The following NRAP variants were observed in gnomAD, a reference collection of about 807,000 sequenced individuals.
NRAP encodes nebulin-related-anchoring protein.
A neutral mutation model predicts 225.9 loss-of-function variants in NRAP; 189 were observed. The ratio of observed to expected loss-of-function variants is 0.84; its 90% CI spans 0.74 to 0.94. The LOEUF is 0.94. Ranked by LOEUF, NRAP falls within the 40% of genes least tolerant of loss-of-function variation. The pLI is 0.00. For missense variants in NRAP, 2,176 were observed against 2,168.7 expected (o/e 1.00, Z -0.07); for synonymous variants, 769 against 790.7 (o/e 0.97, Z 0.46).
chr10:113,650,534 T>C lies in NRAP; in HGVS notation c.687A>G (p.Thr229=). 6.2e-7 allele frequency: 1 copy of C among 1,610,050 alleles called. No individual in the cohort carries two copies. The highest frequency in any genetic ancestry group is 1.1e-5 in the South Asian group (1 of 91,014). The part of the protein sequence containing the change: ...GAQLQSDVRY[T]EDYEQQRGKG... ...TCCCTCTTTGTTGTTCATAGTCCTC[T>C]GTGTATCTCACCTGAAATGAAAAAA... Residue 229 remains threonine, a synonymous_variant, in exon 8 of 42, where the codon ACA becomes ACG. Coordinates refer to ENST00000359988, the MANE Select transcript of NRAP (RefSeq NM_198060.4).
Position 113,614,142 on chromosome 10 carries a change from G to A in NRAP, c.3300+41C>T, listed in dbSNP as rs773892559. On this transcript the variant is annotated intron_variant, in intron 29 of 41. Coordinates refer to ENST00000359988, the MANE Select transcript of NRAP (RefSeq NM_198060.4). ...GTTGCCATGCAGTGAGCGTTGTCAGGTGGGGGCCCTGCAGCCGCTGATGCC... is the reference window on the plus strand; with the variant it reads ...GTTGCCATGCAGTGAGCGTTGTCAGATGGGGGCCCTGCAGCCGCTGATGCC... 23 of 1,334,960 alleles carry A rather than the reference G, an allele frequency of 1.7e-5. No homozygotes were observed. In the South Asian group the frequency reaches 2.5e-4, roughly 14 times the overall value. The allele number at this position is 1,334,960 out of a possible 1,614,324, so 82.7% of individuals were successfully genotyped here.
intron 16 of NRAP, among the ~76,000 whole-genome samples, chr10:113,632,838 T>C (rs1215019814): frequency 6.6e-6 from 1 of 152,232 alleles, no homozygotes; most frequent in Non-Finnish European, 1.5e-5. Flanking sequence ...TAGGGGGGTG[T>C]GTGTGTGTGT....
At chr10:113,598,147 A>T in intron 35 of NRAP, 74 bp from the exon 36 acceptor site, 1 of 883,026 alleles carries the variant, frequency 1.1e-6, no homozygotes, top group Middle Eastern at 2.2e-4. Context: ...AAGATCCTTG[A>T]TTTGTAATAG....
chr10:113,633,822 A>C (rs1416841981), intron 15 of NRAP, among the ~76,000 whole-genome samples: 1 of 152,208 alleles, frequency 6.6e-6, no homozygotes, highest in Non-Finnish European at 1.5e-5. Flanking sequence ...AATAATATGG[A>C]AGAGGAGAAT....
chr10:113,629,885 G>A (rs1848488678), intron 18 of NRAP, 100 bp from the exon 19 acceptor site: 1 of 788,590 alleles, frequency 1.3e-6, no homozygotes, highest in South Asian at 1.6e-5. Context: ...TTCGGGAGCA[G>A]GAGAATCGGC....
chr10:113,637,856 A>C (rs1254318403), intron 14 of NRAP, among the ~76,000 whole-genome samples: 1 of 151,700 alleles, frequency 6.6e-6, no homozygotes, highest in Non-Finnish European at 1.5e-5. Flanking sequence ...CGGGAGGCAG[A>C]GGTTGCTATG....
In NRAP at chr10:113,598,133, CAAG is replaced by C. The variant is rs1243736070; in HGVS notation, c.4228-63_4228-61del. 8.2e-6 allele frequency: 8 copies of C among 974,388 alleles called. No individual in the cohort carries two copies. The Admixed American group carries it at 1.4e-4, about 16-fold the overall frequency. The allele number at this position is 974,388 out of a possible 1,614,324, so 60.4% of individuals were successfully genotyped here. ...AGTGCTTAAGACTAGTACAGCATTT[CAAG>C]AAGATCCTTGATTTGTAATAGCATT... On this transcript the variant is annotated intron_variant, in intron 35 of 41. Coordinates refer to ENST00000359988, the MANE Select transcript of NRAP (RefSeq NM_198060.4).
intron 38 of NRAP, among the ~76,000 whole-genome samples, chr10:113,594,468 T>C (rs1238137353): frequency 6.6e-6 from 1 of 152,188 alleles, no homozygotes; most frequent in Non-Finnish European, 1.5e-5. Context: ...CTGGCAGCTT[T>C]ATCCCACTTT....
At chr10:113,591,853 C>T (rs907801975) in intron 39 of NRAP, among the ~76,000 whole-genome samples, 3 of 152,234 alleles carry the variant, frequency 2.0e-5, no homozygotes, top group Non-Finnish European at 4.4e-5. Context: ...CTATCTCTTT[C>T]TACTCTACCA....
At chr10:113,597,498 C>T (rs1195628828) in intron 36 of NRAP, among the ~76,000 whole-genome samples, 6 of 152,188 alleles carry the variant, frequency 3.9e-5, no homozygotes, top group Non-Finnish European at 7.3e-5. Context: ...TGTCCAAATA[C>T]ATTCTGTTAT....
chr10:113,608,239 A>T (rs938645730), intron 32 of NRAP, among the ~76,000 whole-genome samples, 175 bp downstream of exon 32: 1 of 152,228 alleles, frequency 6.6e-6, no homozygotes, highest in Non-Finnish European at 1.5e-5. Flanking sequence ...CCAGATTCCC[A>T]ACTGGGCTTT....
At chr10:113,648,079 G>A (rs974311332) in intron 9 of NRAP, among the ~76,000 whole-genome samples, 1 of 152,064 alleles carries the variant, frequency 6.6e-6, no homozygotes. Context: ...TGCACTTTTT[G>A]CATAAATCTG....
intron 10 of NRAP, among the ~76,000 whole-genome samples, chr10:113,646,341 G>A (rs1453333587): frequency 6.6e-6 from 1 of 152,096 alleles, no homozygotes; most frequent in Middle Eastern, 3.2e-3. Context: ...ATGGGTAATA[G>A]GTGAATAGTT....
In NRAP at chr10:113,657,489, C is replaced by A; in HGVS notation, c.341G>T (p.Arg114Met). 6.3e-7 allele frequency: 1 copy of A among 1,594,360 alleles called. No individual in the cohort carries two copies. Among genetic ancestry groups the A allele is most frequent in the South Asian group, 1.1e-5 (1 of 90,630 alleles). Reference sequence around the variant, plus strand: ...TCTCACCTCATTTGCCAGTGGCTGCCTGTTAGGTGCACCTTCCTTATCCTT... The same window carrying A: ...TCTCACCTCATTTGCCAGTGGCTGCATGTTAGGTGCACCTTCCTTATCCTT... ...KSKDKEGAPN[R>M]QPLANERAYW... Residue 114 changes from arginine to methionine, a missense_variant, in exon 4 of 42, where the codon AGG (arginine) becomes ATG (methionine). Coordinates refer to ENST00000359988, the MANE Select transcript of NRAP (RefSeq NM_198060.4).
intron 32 of NRAP, among the ~76,000 whole-genome samples, chr10:113,606,895 G>A (rs1375247490): frequency 3.3e-5 from 5 of 151,562 alleles, no homozygotes; most frequent in South Asian, 2.1e-4. Context: ...GTGAAACCTC[G>A]TCTCTACTAA....
In NRAP at chr10:113,645,858, T is replaced by C. The variant is rs1849472687; in HGVS notation, c.1077A>G (p.Lys359=). 6.2e-7 allele frequency: 1 copy of C among 1,609,706 alleles called. No homozygotes were observed. The highest frequency in any genetic ancestry group is 8.5e-7 in the Non-Finnish European group (1 of 1,176,948). ...SLPAQDNLVL[K]QAQSVNKLVS... ...CGAGTTTGTTTACGCTCTGAGCCTGTTTGAGAACCAAGTTGTCTTGAGCTG... is the reference window on the plus strand; with the variant it reads ...CGAGTTTGTTTACGCTCTGAGCCTGCTTGAGAACCAAGTTGTCTTGAGCTG... Residue 359 remains lysine (K), a synonymous_variant, in exon 11 of 42, where the codon AAA becomes AAG. Coordinates refer to ENST00000359988, the MANE Select transcript of NRAP (RefSeq NM_198060.4).
chr10:113,660,562 C>T lies in NRAP; in HGVS notation c.255+2117G>A, dbSNP rs1029535218. On this transcript the variant is annotated intron_variant, in intron 3 of 41. Transcript: ENST00000359988. ...AAATAAAGTGAGTCCACTCCCACCT[C>T]AAAAAGAGGAAAATAGTGTGTGACC... Among the ~76,000 whole-genome samples, 7 of 152,220 alleles carry T rather than the reference C, an allele frequency of 4.6e-5. 1 individual carries two copies. Among genetic ancestry groups the T allele is most frequent in the African/African-American group, 1.4e-4 (6 of 41,548 alleles).
chr10:113,659,389 G>A (rs1392940046), intron 3 of NRAP, among the ~76,000 whole-genome samples: 1 of 152,146 alleles, frequency 6.6e-6, no homozygotes, highest in African/African-American at 2.4e-5. Context: ...GGTAGGGGTT[G>A]GGGGGAACTG....
chr10:113,596,335 C>A (rs1286648365), intron 37 of NRAP, among the ~76,000 whole-genome samples: 9 of 152,188 alleles, frequency 5.9e-5, no homozygotes, highest in Non-Finnish European at 1.3e-4. Flanking sequence ...GTCTTATGTA[C>A]TTTTAGAGGT....
Sources: gnomAD v4.1 joint callset for allele counts (sites outside exome capture counted in the v4.1 genomes callset) on GRCh38, gnomAD v4.1.1 for gene constraint, MANE v1.5 for transcripts, NCBI Gene and HGNC (gene_info 2026-07-23, HGNC 2026-07-21) for gene names.